Variants in DRC9 observed in about 807,000 individuals in gnomAD.
The protein encoded by DRC9 is dynein regulatory complex protein 9.
At chr3:197,953,809 T>A in the DRC9 span, 1 of 639,876 alleles carries the variant, frequency 1.6e-6, no homozygotes, top group Non-Finnish European at 2.8e-6. Context: ...ATAGCTGCTG[T>A]ATTTTACAGA....
chr3:197,893,269 A>G, the DRC9 span, among the ~76,000 whole-genome samples: 45 of 148,752 alleles, frequency 3.0e-4, no homozygotes, highest in African/African-American at 1.1e-3. Flanking sequence ...AGGCAGGAGA[A>G]TCACTTGAAC....
the DRC9 span, among the ~76,000 whole-genome samples, chr3:197,893,218 A>G: frequency 7.5e-3 from 1,146 of 152,082 alleles, 10 homozygotes; most frequent in African/African-American, 0.021. Flanking sequence ...TTAGCTGGGC[A>G]TGGTGGCGCA....
At chr3:197,918,281 T>TTTG in the DRC9 span, among the ~76,000 whole-genome samples, 6 of 144,582 alleles carry the variant, frequency 4.1e-5, no homozygotes, top group East Asian at 1.2e-3. Flanking sequence ...TTTTTTTTTT[T>TTTG]TTGGTAGAGA....
At chr3:197,945,046 C>G in the DRC9 span, among the ~76,000 whole-genome samples, 1 of 152,122 alleles carries the variant, frequency 6.6e-6, no homozygotes, top group Non-Finnish European at 1.5e-5. Context: ...CAAGGTGGCC[C>G]AAATGATTCT....
At chr3:197,909,000 C>T in the DRC9 span, among the ~76,000 whole-genome samples, 1 of 151,634 alleles carries the variant, frequency 6.6e-6, no homozygotes, top group African/African-American at 2.4e-5. Context: ...AAAGGAAGTG[C>T]GGTGTCCTCA....
the DRC9 span, among the ~76,000 whole-genome samples, chr3:197,945,161 G>T: frequency 9.2e-5 from 14 of 152,294 alleles, no homozygotes; most frequent in East Asian, 1.9e-3. Context: ...GACTTGCAAG[G>T]CTAGGTGATA....
At chr3:197,909,012 A>G in the DRC9 span, among the ~76,000 whole-genome samples, 2 of 152,216 alleles carry the variant, frequency 1.3e-5, no homozygotes, top group Non-Finnish European at 2.9e-5. Context: ...GTGTCCTCAG[A>G]CACAGGAGGG....
chr3:197,948,699 C>G, the DRC9 span, among the ~76,000 whole-genome samples: 2 of 152,306 alleles, frequency 1.3e-5, no homozygotes, highest in Admixed American at 1.3e-4. Context: ...CAAGTTCTAT[C>G]CTGTTGTATT....
At chr3:197,893,609 C>A in the DRC9 span, among the ~76,000 whole-genome samples, 7 of 150,612 alleles carry the variant, frequency 4.6e-5, no homozygotes, top group Admixed American at 1.3e-4. Flanking sequence ...TTTGGGAGGC[C>A]GAGGTGGGCA....
At chr3:197,941,444 CT>C in the DRC9 span, among the ~76,000 whole-genome samples, 1 of 44,376 alleles carries the variant, frequency 2.3e-5, no homozygotes, top group African/African-American at 9.7e-5. Flanking sequence ...CCTCCCTCCT[CT>C]CCCATCCCCC....
At chr3:197,910,298 C>A in the DRC9 span, among the ~76,000 whole-genome samples, 1 of 151,794 alleles carries the variant, frequency 6.6e-6, no homozygotes. Flanking sequence ...AGACCCTGTC[C>A]CTAAAAAATA....
chr3:197,921,572 G>A, the DRC9 span, among the ~76,000 whole-genome samples: 1 of 152,036 alleles, frequency 6.6e-6, no homozygotes, highest in African/African-American at 2.4e-5. Flanking sequence ...TGGTCGACCC[G>A]ACTACTAGTT....
chr3:197,926,009 G>A, the DRC9 span: 2 of 1,381,672 alleles, frequency 1.4e-6, no homozygotes, highest in African/African-American at 2.8e-5. Context: ...TTGGTGTTAA[G>A]CAGGTAATTC....
the DRC9 span, among the ~76,000 whole-genome samples, chr3:197,890,025 T>C: frequency 1.8e-4 from 27 of 152,196 alleles, no homozygotes; most frequent in Non-Finnish European, 3.5e-4. Flanking sequence ...AAGTCCAGGT[T>C]CCCCATACTT....
chr3:197,891,546 A>G, the DRC9 span: 2 of 1,532,192 alleles, frequency 1.3e-6, no homozygotes, highest in African/African-American at 1.4e-5. Context: ...ATACTCTCTT[A>G]TCTGCAAAGA....
the DRC9 span, among the ~76,000 whole-genome samples, chr3:197,935,215 C>T: frequency 1.3e-5 from 2 of 151,750 alleles, no homozygotes; most frequent in Non-Finnish European, 2.9e-5. Context: ...CTGAGGCGGG[C>T]GGATCACCTG....
the DRC9 span, chr3:197,945,602 T>G: frequency 1.3e-6 from 2 of 1,554,830 alleles, no homozygotes; most frequent in South Asian, 1.1e-5. Context: ...ACAAAAAACA[T>G]TGGAATTTTA....
the DRC9 span, chr3:197,954,191 T>C: frequency 1.9e-6 from 3 of 1,601,080 alleles, no homozygotes; most frequent in Non-Finnish European, 2.6e-6. Flanking sequence ...TGAATCAGAC[T>C]AGGTTCAAGG....
chr3:197,922,747 T>A, the DRC9 span, among the ~76,000 whole-genome samples: 479 of 145,584 alleles, frequency 3.3e-3, 2 homozygotes, highest in African/African-American at 9.8e-3. Flanking sequence ...TAAATAAATA[T>A]CTTCTATTTT....
Sources: allele counts gnomAD v4.1 joint callset (sites outside exome capture counted in the v4.1 genomes callset), GRCh38; gene constraint gnomAD v4.1.1; transcripts MANE v1.5; gene names NCBI Gene and HGNC (gene_info 2026-07-23, HGNC 2026-07-21).